HOMER1: variants seen among roughly 807,000 people sequenced by gnomAD.
HOMER1 encodes homer protein homolog 1.
In HOMER1, 3 loss-of-function variants were observed where a neutral mutation model predicts 48.9. The observed-to-expected ratio is 0.06, with a 90% CI of 0.03 to 0.16. The LOEUF (loss-of-function observed/expected upper bound fraction) is 0.16. Ranked by LOEUF, HOMER1 falls within the 10% of genes least tolerant of loss-of-function variation. The probability of loss-of-function intolerance (pLI) is 1.00; values close to 1 mark genes in which losing one functional copy is unlikely to be tolerated. For missense variants in HOMER1, 247 were observed against 411.4 expected, an observed-to-expected ratio of 0.60 and a Z score of 3.46; for synonymous variants, 134 against 146.4, an observed-to-expected ratio of 0.92 and a Z score of 0.61.
intron 4 of HOMER1, among the ~76,000 whole-genome samples, chr5:79,440,305 G>A (rs186013138): frequency 2.6e-5 from 4 of 152,266 alleles, no homozygotes; most frequent in Admixed American, 6.5e-5. Flanking sequence ...TTAACGTGGT[G>A]AGACTTTTGT....
chr5:79,387,962 G>T (rs915781502), intron 8 of HOMER1, among the ~76,000 whole-genome samples: 1 of 152,170 alleles, frequency 6.6e-6, no homozygotes, highest in Non-Finnish European at 1.5e-5. Flanking sequence ...TCCAGCAGAG[G>T]TATTTCTCAA....
intron 5 of HOMER1, among the ~76,000 whole-genome samples, chr5:79,438,516 A>T (rs1331655266): frequency 6.6e-6 from 1 of 152,190 alleles, no homozygotes; most frequent in Non-Finnish European, 1.5e-5. Context: ...AACCCATGCT[A>T]AAAGTTATCC....
intron 5 of HOMER1, among the ~76,000 whole-genome samples, chr5:79,425,556 C>T (rs182827952): frequency 6.6e-6 from 1 of 151,944 alleles, no homozygotes; most frequent in Admixed American, 6.6e-5. Context: ...TGCGAGACTT[C>T]GAAGATAAAG....
intron 5 of HOMER1, among the ~76,000 whole-genome samples, chr5:79,420,292 C>A (rs1431572497): frequency 6.6e-6 from 1 of 152,156 alleles, no homozygotes; most frequent in African/African-American, 2.4e-5. Flanking sequence ...TTTATAGATT[C>A]TTTCCAGTTG....
At chr5:79,428,178 T>G (rs1202789500) in intron 5 of HOMER1, among the ~76,000 whole-genome samples, 1 of 152,124 alleles carries the variant, frequency 6.6e-6, no homozygotes, top group Non-Finnish European at 1.5e-5. Context: ...TGTCAATGAA[T>G]AAATTCCTAA....
intron 8 of HOMER1, among the ~76,000 whole-genome samples, chr5:79,385,842 CAAAAAAAAAAAA>C (rs33968519): frequency 2.8e-5 from 2 of 70,794 alleles, no homozygotes; most frequent in Non-Finnish European, 2.4e-5. Context: ...GACTCTGTCT[CAAAAAAAAAAAA>C]AAAAAAAAAA....
intron 1 of HOMER1, among the ~76,000 whole-genome samples, chr5:79,493,349 T>C (rs1752339530): frequency 6.6e-6 from 1 of 152,164 alleles, no homozygotes; most frequent in Non-Finnish European, 1.5e-5. Flanking sequence ...CAGCACTGTC[T>C]CCCATTCTTC....
chr5:79,469,344 C>T (rs1334380768), intron 1 of HOMER1, among the ~76,000 whole-genome samples: 1 of 152,132 alleles, frequency 6.6e-6, no homozygotes, highest in Non-Finnish European at 1.5e-5. Flanking sequence ...ATAAGTTAAA[C>T]TCCTGAGTGT....
rs34697575 is a variant in HOMER1, at chr5:79,507,212, C to CAAA, written c.5+5555_5+5557dup. On this transcript the variant is annotated intron_variant, in intron 1 of 8. Transcript: ENST00000334082. ...TGGGTGACAGAGTGAGGCTCTATCT[C>CAAA]AAAAAAAAAAAAAAAAAAAAAAACC... Among the ~76,000 whole-genome samples, 46 of 51,820 alleles carry CAAA rather than the reference C, an allele frequency of 8.9e-4. No individual in the cohort carries two copies. In the East Asian group the frequency reaches 0.014, roughly 16 times the overall value. The allele number at this position is 51,820 out of a possible 152,430, so 34.0% of individuals were successfully genotyped here.
At chr5:79,383,306 T>A (rs1462496364) in intron 8 of HOMER1, among the ~76,000 whole-genome samples, 1 of 152,052 alleles carries the variant, frequency 6.6e-6, no homozygotes, top group Non-Finnish European at 1.5e-5. Context: ...ACAGATCATC[T>A]AGACAGAAAA....
chr5:79,413,597 C>A (rs905836451), intron 5 of HOMER1, among the ~76,000 whole-genome samples: 1 of 151,960 alleles, frequency 6.6e-6, no homozygotes, highest in African/African-American at 2.4e-5. Context: ...ACCCCCTACC[C>A]CCATACCTTC....
intron 1 of HOMER1, among the ~76,000 whole-genome samples, chr5:79,473,853 T>C (rs896205238): frequency 7.9e-5 from 12 of 152,118 alleles, no homozygotes; most frequent in Non-Finnish European, 1.6e-4. Flanking sequence ...GGCTAGACTA[T>C]GGTGAAAAAT....
At chr5:79,508,287 T>C (rs1580049870) in intron 1 of HOMER1, among the ~76,000 whole-genome samples, 1 of 152,078 alleles carries the variant, frequency 6.6e-6, no homozygotes, top group Non-Finnish European at 1.5e-5. Flanking sequence ...AAAAATAAAA[T>C]AGAACGGAAC....
intron 1 of HOMER1, among the ~76,000 whole-genome samples, chr5:79,511,700 A>G (rs549224272): frequency 6.6e-6 from 1 of 152,338 alleles, no homozygotes; most frequent in South Asian, 2.1e-4. Context: ...AACATGCTCT[A>G]AATTTTCAAA....
chr5:79,456,762 A>G lies in HOMER1; in HGVS notation c.162+100T>C. The G allele has an allele frequency of 2.9e-6, 3 of 1,048,714 alleles. No homozygotes were observed. In the East Asian group the frequency reaches 7.5e-5, roughly 26 times the overall value. The allele number at this position is 1,048,714 out of a possible 1,614,324, so 65.0% of individuals were successfully genotyped here. A position where few individuals can be genotyped will look rare whatever the true frequency, so the allele number is the denominator to read the frequency against. ...AAAAGTTTTAAGAACTCAAAAGGAA[A>G]CATTTTATATTAATGAAGATAAAAT... is the stretch of plus-strand genomic sequence containing the variant. On this transcript the variant is annotated intron_variant, in intron 2 of 8. Coordinates refer to ENST00000334082, the MANE Select transcript of HOMER1 (RefSeq NM_004272.5).
chr5:79,474,029 C>A (rs1751689951), intron 1 of HOMER1, among the ~76,000 whole-genome samples: 1 of 151,692 alleles, frequency 6.6e-6, no homozygotes, highest in African/African-American at 2.4e-5. Context: ...TCTAAATTTT[C>A]TTTTTTAAAA....
chr5:79,389,532 G>C (rs1372820661), intron 8 of HOMER1, among the ~76,000 whole-genome samples: 3 of 152,270 alleles, frequency 2.0e-5, no homozygotes, highest in African/African-American at 7.2e-5. Context: ...CTCATGAATG[G>C]GAGTAAGGTC....
At chr5:79,435,345 C>T (rs1443013056) in intron 5 of HOMER1, among the ~76,000 whole-genome samples, 2 of 152,174 alleles carry the variant, frequency 1.3e-5, no homozygotes, top group African/African-American at 4.8e-5. Flanking sequence ...GCTATTACTA[C>T]AGTCAACTCT....
intron 1 of HOMER1, among the ~76,000 whole-genome samples, chr5:79,487,100 G>A (rs963642675): frequency 4.6e-5 from 7 of 152,088 alleles, no homozygotes; most frequent in South Asian, 2.1e-4. Context: ...TCAACATGAC[G>A]AAACCCCGTC....
Sources: allele counts gnomAD v4.1 joint callset (sites outside exome capture counted in the v4.1 genomes callset), GRCh38; gene constraint gnomAD v4.1.1; transcripts MANE v1.5; gene names NCBI Gene and HGNC (gene_info 2026-07-23, HGNC 2026-07-21).